DOCK7: variants seen among roughly 807,000 people sequenced by gnomAD.
DOCK7 encodes the protein dedicator of cytokinesis 7.
In DOCK7, 138 loss-of-function variants were observed where a neutral mutation model predicts 271.0. That is an observed-to-expected ratio of 0.51 (90% CI 0.44 to 0.59). The LOEUF (loss-of-function observed/expected upper bound fraction) is 0.59, where lower values mean the gene tolerates loss of function less well. Among genes scored for constraint, DOCK7 ranks in the 20% least tolerant of loss-of-function variants. The pLI, the probability that DOCK7 is intolerant of heterozygous loss-of-function variation, is 0.00. For synonymous variants in DOCK7, 823 were observed against 876.1 expected, an observed-to-expected ratio of 0.94 and a Z score of 1.07; for missense variants, 2,066 against 2,592.4, an observed-to-expected ratio of 0.80 and a Z score of 4.41.
chr1:62,494,665 G>GC, intron 39 of DOCK7, 198 bp from the exon 40 acceptor site: 3 of 308,680 alleles, frequency 9.7e-6, no homozygotes, highest in Non-Finnish European at 1.6e-5. Context: ...ATCAGTTGGT[G>GC]GGGGGGGCAG....
At chr1:62,604,014 A>T (rs1234180754) in intron 14 of DOCK7, 1 of 1,613,036 alleles carries the variant, frequency 6.2e-7, no homozygotes, top group African/African-American at 1.3e-5. Flanking sequence ...ATAGTGAAGC[A>T]ATCTAATTAT....
chr1:62,609,095 AC>A (rs1220866942), intron 14 of DOCK7: 2 of 152,162 alleles, frequency 1.3e-5, no homozygotes, highest in African/African-American at 4.8e-5. Context: ...AAAGAAAGTG[AC>A]CCAACAATTG....
At chr1:62,569,711 C>CG (rs1646704345) in intron 18 of DOCK7, among the ~76,000 whole-genome samples, 1 of 119,402 alleles carries the variant, frequency 8.4e-6, no homozygotes, top group African/African-American at 3.2e-5. Flanking sequence ...ACTCTCCCCC[C>CG]TCCCCCCCCC....
At chr1:62,460,557 G>A (rs1645490138) in intron 48 of DOCK7, among the ~76,000 whole-genome samples, 1 of 151,606 alleles carries the variant, frequency 6.6e-6, no homozygotes, top group South Asian at 2.1e-4. Flanking sequence ...ATCCACAGAA[G>A]GCACACTGAT....
chr1:62,527,287 T>G (rs942187409), intron 31 of DOCK7, among the ~76,000 whole-genome samples: 1 of 151,980 alleles, frequency 6.6e-6, no homozygotes, highest in Non-Finnish European at 1.5e-5. Context: ...ATTCACAGAT[T>G]AAAAAAACCC....
chr1:62,621,951 C>T (rs1039029601), intron 12 of DOCK7, among the ~76,000 whole-genome samples: 6 of 152,150 alleles, frequency 3.9e-5, no homozygotes, highest in African/African-American at 1.4e-4. Flanking sequence ...ACTTATTGGT[C>T]TCCATTCTTT....
chr1:62,517,651 C>A (rs1025823477), intron 31 of DOCK7, among the ~76,000 whole-genome samples: 1 of 152,136 alleles, frequency 6.6e-6, no homozygotes, highest in African/African-American at 2.4e-5. Context: ...TCACAACCAC[C>A]ACTTCAACTT....
At chr1:62,475,680 A>T (rs774921389) in intron 46 of DOCK7, 27 bp downstream of exon 46, 7 of 1,596,166 alleles carry the variant, frequency 4.4e-6, no homozygotes, top group Non-Finnish European at 6.0e-6. Flanking sequence ...TGCTTCACTA[A>T]TGCTGTTTGC....
chr1:62,564,266 T>C lies in DOCK7; in HGVS notation c.2113-2563A>G, dbSNP rs368279196. Among the ~76,000 whole-genome samples the C allele has an allele frequency of 1.6e-4, 24 of 152,250 alleles. No homozygotes were observed. In the South Asian group the frequency reaches 5.0e-3, roughly 32 times the overall value. Reference sequence around the variant, plus strand: ...CACAACAAATCAACAGAATATACATTCTTCTCAGCACCTCATCACACTTAT... The same window carrying C: ...CACAACAAATCAACAGAATATACATCCTTCTCAGCACCTCATCACACTTAT... On this transcript the variant is annotated intron_variant, in intron 18 of 49. Transcript: ENST00000635253.
Position 62,523,591 on chromosome 1 carries a change from G to A in DOCK7, c.3936+4560C>T, listed in dbSNP as rs146829456. 4.0e-3 allele frequency among the ~76,000 whole-genome samples: 608 copies of A among 152,236 alleles called. 15 individuals carry two copies. Among genetic ancestry groups the A allele is most frequent in the Admixed American group, 0.034 (525 of 15,288 alleles). Reference sequence around the variant, plus strand: ...ATATTAAAATCAGGCATTCTAGGCTGGGCACAGTGGCTCACGCCTGTAATG... The same window carrying A: ...ATATTAAAATCAGGCATTCTAGGCTAGGCACAGTGGCTCACGCCTGTAATG... On this transcript the variant is annotated intron_variant, in intron 31 of 49. Coordinates refer to ENST00000635253, the MANE Select transcript of DOCK7 (RefSeq NM_001367561.1).
intron 13 of DOCK7, among the ~76,000 whole-genome samples, chr1:62,619,435 A>C (rs916600449): frequency 1.3e-5 from 2 of 152,218 alleles, no homozygotes; most frequent in Non-Finnish European, 2.9e-5. Flanking sequence ...GACAGTACCC[A>C]ACCTTATAGA....
intron 14 of DOCK7, chr1:62,607,803 T>C (rs1243479447): frequency 6.6e-6 from 1 of 152,186 alleles, no homozygotes; most frequent in Non-Finnish European, 1.5e-5. Flanking sequence ...TCTATCTTCA[T>C]GCCTGCAGTG....
chr1:62,608,955 T>C (rs1403326657), intron 14 of DOCK7: 1 of 152,222 alleles, frequency 6.6e-6, no homozygotes, highest in Non-Finnish European at 1.5e-5. Context: ...TGTACTCATA[T>C]ATACTCTACC....
intron 7 of DOCK7, among the ~76,000 whole-genome samples, chr1:62,643,830 C>T (rs887654624): frequency 1.3e-5 from 2 of 151,920 alleles, no homozygotes; most frequent in Admixed American, 6.6e-5. Flanking sequence ...TCAGTTTTAT[C>T]ATCAAGTTCA....
At chr1:62,466,329 T>C (rs1432894506) in intron 48 of DOCK7, among the ~76,000 whole-genome samples, 1 of 152,200 alleles carries the variant, frequency 6.6e-6, no homozygotes, top group Non-Finnish European at 1.5e-5. Flanking sequence ...CAAAAAGGGA[T>C]AGGCTAACTC....
rs1650549672 is a variant in DOCK7, at chr1:62,604,005, T to C, written c.1682+14701A>G. On this transcript the variant is annotated intron_variant, in intron 14 of 49. Coordinates refer to ENST00000635253, the MANE Select transcript of DOCK7 (RefSeq NM_001367561.1). ...TTGGGCCTAGAGAAGATATACTCCA[T>C]AGTGAAGCAATCTAATTATGTTTTA... The C allele has an allele frequency of 3.7e-6, 6 of 1,612,944 alleles. No individual in the cohort carries two copies. In the African/African-American group the frequency reaches 6.7e-5, roughly 18 times the overall value.
intron 14 of DOCK7, chr1:62,604,147 CA>C: frequency 6.2e-7 from 1 of 1,613,282 alleles, no homozygotes; most frequent in South Asian, 1.1e-5. Context: ...GCAATGTCCC[CA>C]ATGCAATCCC....
At chr1:62,567,677 C>T in intron 18 of DOCK7, among the ~76,000 whole-genome samples, 1 of 151,422 alleles carries the variant, frequency 6.6e-6, no homozygotes, top group East Asian at 1.9e-4. Context: ...GCACATGTAC[C>T]CCAGAACTTA....
chr1:62,455,209 A>G lies in DOCK7; in HGVS notation c.*205T>C, dbSNP rs962113150. ...TTGAGTCATTAAAATGTCTTAAAAG[A>G]TAACAGCTTGTTACCAGAACATTAG... On this transcript the variant is annotated 3_prime_UTR_variant, in exon 50 of 50. Transcript: ENST00000635253. 6 of 672,848 alleles carry G rather than the reference A, an allele frequency of 8.9e-6. No individual in the cohort carries two copies. The highest frequency in any genetic ancestry group is 1.6e-5 in the Non-Finnish European group (6 of 378,504). The allele number at this position is 672,848 out of a possible 1,614,324, so 41.7% of individuals were successfully genotyped here. A position where few individuals can be genotyped will look rare whatever the true frequency, so the allele number is the denominator to read the frequency against.
Sources: gnomAD v4.1 joint callset for allele counts (sites outside exome capture counted in the v4.1 genomes callset) on GRCh38, gnomAD v4.1.1 for gene constraint, MANE v1.5 for transcripts, NCBI Gene and HGNC (gene_info 2026-07-23, HGNC 2026-07-21) for gene names.